The following ROBO2 variants were observed in gnomAD, a reference collection of about 807,000 sequenced individuals.
The protein encoded by ROBO2 is roundabout homolog 2.
ROBO2 carries 53 observed loss-of-function variants against 160.8 expected under a neutral mutation model. The observed-to-expected ratio is 0.33, with a 90% CI of 0.26 to 0.41. The LOEUF (loss-of-function observed/expected upper bound fraction) is 0.41, where lower values mean the gene tolerates loss of function less well. Among genes scored for constraint, ROBO2 ranks in the 10% least tolerant of loss-of-function variants. The pLI, the probability that ROBO2 is intolerant of heterozygous loss-of-function variation, is 1.00. For missense variants in ROBO2, 1,577 were observed against 1,722.4 expected (o/e 0.92, Z 1.49); for synonymous variants, 664 against 611.7 (o/e 1.09, Z -1.26).
chr3:75,975,893 C>T (rs1476943749), intron 2 of ROBO2, among the ~76,000 whole-genome samples: 1 of 151,512 alleles, frequency 6.6e-6, no homozygotes, highest in African/African-American at 2.4e-5. Context: ...GACTGGGGGG[C>T]TTTTTATTGG....
At chr3:76,952,272 T>G (rs1327631080) in intron 2 of ROBO2, among the ~76,000 whole-genome samples, 2 of 151,950 alleles carry the variant, frequency 1.3e-5, no homozygotes, top group African/African-American at 4.8e-5. Context: ...TTGTAACCTA[T>G]TTTTATTTTT....
At chr3:77,052,407 A>G (rs1211031087) in intron 1 of ROBO2, among the ~76,000 whole-genome samples, 3 of 152,290 alleles carry the variant, frequency 2.0e-5, no homozygotes, top group South Asian at 4.1e-4. Flanking sequence ...ATGGGGCCAC[A>G]TTAGTGAGAA....
intron 2 of ROBO2, among the ~76,000 whole-genome samples, chr3:77,445,058 C>T (rs571750568): frequency 2.0e-5 from 3 of 152,026 alleles, no homozygotes; most frequent in Non-Finnish European, 4.4e-5. Flanking sequence ...GTGCCACATC[C>T]GTTTGGTGAC....
chr3:76,089,074 T>C (rs1350042999), intron 2 of ROBO2, among the ~76,000 whole-genome samples: 1 of 152,006 alleles, frequency 6.6e-6, no homozygotes, highest in African/African-American at 2.4e-5. Flanking sequence ...TGCTTCCAAA[T>C]TGGGTAATCC....
chr3:76,977,718 G>T (rs1030087373), intron 2 of ROBO2, among the ~76,000 whole-genome samples: 16 of 152,124 alleles, frequency 1.1e-4, no homozygotes, highest in African/African-American at 3.9e-4. Context: ...CTTCTGCATT[G>T]CTGAGCACTA....
intron 9 of ROBO2, among the ~76,000 whole-genome samples, chr3:77,561,660 A>G (rs1384022251): frequency 6.6e-6 from 1 of 152,098 alleles, no homozygotes; most frequent in African/African-American, 2.4e-5. Context: ...ATGAATTATG[A>G]TATATTTATG....
chr3:77,019,988 C>T (rs995288022), intron 2 of ROBO2, among the ~76,000 whole-genome samples: 3 of 152,060 alleles, frequency 2.0e-5, no homozygotes, highest in Admixed American at 2.0e-4. Context: ...AAAGGATCCT[C>T]ATGAAGTTTA....
At chr3:76,688,039 A>C (rs2107135848) in intron 2 of ROBO2, among the ~76,000 whole-genome samples, 1 of 151,954 alleles carries the variant, frequency 6.6e-6, no homozygotes, top group East Asian at 1.9e-4. Context: ...TCTCCTTATT[A>C]GCTTTTAAAT....
intron 2 of ROBO2, among the ~76,000 whole-genome samples, chr3:77,181,683 T>C (rs1390107012): frequency 3.9e-5 from 6 of 152,080 alleles, no homozygotes; most frequent in Admixed American, 3.9e-4. Flanking sequence ...TAATGAATAC[T>C]GTAACTAAAA....
intron 2 of ROBO2, among the ~76,000 whole-genome samples, chr3:76,719,905 T>C (rs2107701218): frequency 6.6e-6 from 1 of 151,702 alleles, no homozygotes; most frequent in Admixed American, 6.6e-5. Flanking sequence ...AAAAAGCATT[T>C]CTTTAGAGAA....
intron 2 of ROBO2, among the ~76,000 whole-genome samples, chr3:77,268,832 A>C (rs1389204495): frequency 1.4e-4 from 22 of 152,178 alleles, no homozygotes; most frequent in Admixed American, 1.4e-3. Context: ...CAATTTAGAG[A>C]GCCTGGGGGA....
intron 2 of ROBO2, among the ~76,000 whole-genome samples, chr3:76,736,127 C>CA (rs1386977180): frequency 1.7e-4 from 26 of 151,096 alleles, no homozygotes; most frequent in African/African-American, 6.1e-4. Context: ...ACTAAAAATA[C>CA]AAAAAATTAT....
At chr3:76,480,270 G>T (rs2079140709) in intron 2 of ROBO2, among the ~76,000 whole-genome samples, 1 of 151,944 alleles carries the variant, frequency 6.6e-6, no homozygotes, top group South Asian at 2.1e-4. Flanking sequence ...TAAATTCTGA[G>T]AATACTCCTC....
chr3:76,719,838 T>C (rs112249362), intron 2 of ROBO2, among the ~76,000 whole-genome samples: 3 of 150,100 alleles, frequency 2.0e-5, no homozygotes, highest in African/African-American at 7.4e-5. Flanking sequence ...GAGCTGAGAT[T>C]GCGCCACTGC....
chr3:77,231,782 G>T (rs545833831), intron 2 of ROBO2, among the ~76,000 whole-genome samples: 2 of 152,076 alleles, frequency 1.3e-5, no homozygotes, highest in East Asian at 3.9e-4. Context: ...TCTCTCCACG[G>T]ATTCTTTGTC....
At chr3:77,186,981 C>A (rs1023527781) in intron 2 of ROBO2, among the ~76,000 whole-genome samples, 1 of 151,934 alleles carries the variant, frequency 6.6e-6, no homozygotes, top group African/African-American at 2.4e-5. Flanking sequence ...GAAGTGAAAG[C>A]TATAAGTTTT....
intron 2 of ROBO2, among the ~76,000 whole-genome samples, chr3:77,406,371 T>G (rs889649615): frequency 6.6e-6 from 1 of 152,150 alleles, no homozygotes; most frequent in Non-Finnish European, 1.5e-5. Flanking sequence ...TCCAGAATAT[T>G]TGTGTTGTGA....
chr3:76,590,471 A>G (rs1006360624), intron 2 of ROBO2, among the ~76,000 whole-genome samples: 4 of 152,144 alleles, frequency 2.6e-5, no homozygotes, highest in Admixed American at 6.5e-5. Flanking sequence ...TCAACCATCA[A>G]TCTACATTTT....
intron 2 of ROBO2, among the ~76,000 whole-genome samples, chr3:76,806,622 A>AT (rs1272854654): frequency 6.6e-6 from 1 of 152,004 alleles, no homozygotes; most frequent in Non-Finnish European, 1.5e-5. Flanking sequence ...ATCCAAAACG[A>AT]TTGGCACACT....
Sources: gnomAD v4.1 joint callset for allele counts (sites outside exome capture counted in the v4.1 genomes callset) on GRCh38, gnomAD v4.1.1 for gene constraint, MANE v1.5 for transcripts, NCBI Gene and HGNC (gene_info 2026-07-23, HGNC 2026-07-21) for gene names.